ZDHHC17: variants seen among roughly 807,000 people sequenced by gnomAD.
ZDHHC17 encodes palmitoyltransferase ZDHHC17.
In ZDHHC17, 40 loss-of-function variants were observed where a neutral mutation model predicts 90.3. That is an observed-to-expected ratio of 0.44 (90% CI 0.34 to 0.58). The LOEUF (loss-of-function observed/expected upper bound fraction) is 0.58, where lower values mean the gene tolerates loss of function less well. Among genes scored for constraint, ZDHHC17 ranks in the 20% least tolerant of loss-of-function variants. ZDHHC17 has a pLI of 0.01. For missense variants in ZDHHC17, 614 were observed against 780.8 expected, an observed-to-expected ratio of 0.79 and a Z score of 2.55; for synonymous variants, 235 against 252.4, an observed-to-expected ratio of 0.93 and a Z score of 0.65.
chr12:76,810,476 G>A lies in ZDHHC17; in HGVS notation c.543+619G>A, dbSNP rs529860283. ...TTATATTTGAACATTAATTTTATAA[G>A]TAAGGATCTCATCACAAGAATAACT... On this transcript the variant is annotated intron_variant, in intron 5 of 16. Coordinates refer to ENST00000426126, the MANE Select transcript of ZDHHC17 (RefSeq NM_015336.4). 5.8e-3 allele frequency among the ~76,000 whole-genome samples: 882 copies of A among 152,206 alleles called. 10 individuals are homozygous for A. The highest frequency in any genetic ancestry group is 0.021 in the African/African-American group (858 of 41,532).
At chr12:76,823,980 T>C (rs1056721216) in intron 8 of ZDHHC17, among the ~76,000 whole-genome samples, 1 of 152,154 alleles carries the variant, frequency 6.6e-6, no homozygotes, top group Admixed American at 6.5e-5. Flanking sequence ...GGCTGTCTTA[T>C]GATAATTAGG....
At chr12:76,846,750 C>G (rs1374347890) in intron 14 of ZDHHC17, 71 bp downstream of exon 14, 1 of 1,275,632 alleles carries the variant, frequency 7.8e-7, no homozygotes, top group Non-Finnish European at 1.1e-6. Flanking sequence ...ACCACACTAA[C>G]AAATTACTAT....
At chr12:76,848,419 A>G (rs746368925) in intron 15 of ZDHHC17, 29 bp downstream of exon 15, 16 of 1,606,852 alleles carry the variant, frequency 1.0e-5, no homozygotes, top group African/African-American at 1.3e-5. Flanking sequence ...TTTTTAGTGC[A>G]CTAAGTGAAA....
chr12:76,768,556 C>A lies in ZDHHC17; in HGVS notation c.93+4227C>A, dbSNP rs74104831. 8.6e-3 allele frequency among the ~76,000 whole-genome samples: 1,306 copies of A among 152,286 alleles called. 27 individuals carry two copies. Among genetic ancestry groups the A allele is most frequent in the African/African-American group, 0.03 (1,267 of 41,556 alleles). On this transcript the variant is annotated intron_variant, in intron 1 of 16. Coordinates refer to ENST00000426126, the MANE Select transcript of ZDHHC17 (RefSeq NM_015336.4). ...TAGGCACGTGAAACACTGGACGATT[C>A]AAATAAGTACTGAATTAAGTAATGT...
intron 7 of ZDHHC17, among the ~76,000 whole-genome samples, chr12:76,821,741 G>A (rs949630736): frequency 2.6e-5 from 4 of 152,200 alleles, no homozygotes; most frequent in African/African-American, 9.6e-5. Context: ...CTAAAATTGG[G>A]AATGCTTATT....
intron 10 of ZDHHC17, among the ~76,000 whole-genome samples, chr12:76,835,483 CTT>C (rs1321271763): frequency 2.0e-5 from 3 of 151,350 alleles, no homozygotes; most frequent in Non-Finnish European, 4.4e-5. Flanking sequence ...GTTTATATCT[CTT>C]GTTAGATTTA....
At chr12:76,843,044 G>A (rs1397366430) in intron 12 of ZDHHC17, 63 bp downstream of exon 12, 2 of 1,295,572 alleles carry the variant, frequency 1.5e-6, no homozygotes, top group Non-Finnish European at 2.2e-6. Flanking sequence ...ATAGCATAGC[G>A]GGTATGGGGT....
At chr12:76,807,989 A>C (rs1414346461) in intron 3 of ZDHHC17, among the ~76,000 whole-genome samples, 2 of 152,198 alleles carry the variant, frequency 1.3e-5, no homozygotes, top group African/African-American at 4.8e-5. Flanking sequence ...AATATTCTGG[A>C]AATACTTTGT....
In ZDHHC17 at chr12:76,800,949, G is replaced by A. The variant is rs534367837; in HGVS notation, c.197+3412G>A. On this transcript the variant is annotated intron_variant, in intron 2 of 16. Coordinates refer to ENST00000426126, the MANE Select transcript of ZDHHC17 (RefSeq NM_015336.4). Reference sequence around the variant, plus strand: ...ATCGCCTAGGCTGGAGTGCCATGGCGCAATCTCAGCTCATTGCCATCTCCG... The same window carrying A: ...ATCGCCTAGGCTGGAGTGCCATGGCACAATCTCAGCTCATTGCCATCTCCG... 1.8e-3 allele frequency among the ~76,000 whole-genome samples: 256 copies of A among 145,756 alleles called. 3 individuals are homozygous for A. Among genetic ancestry groups the A allele is most frequent in the African/African-American group, 3.9e-3 (151 of 39,214 alleles).
chr12:76,815,001 TAAG>T, intron 5 of ZDHHC17, 142 bp from the exon 6 acceptor site: 1 of 496,186 alleles, frequency 2.0e-6, no homozygotes, highest in Non-Finnish European at 3.6e-6. Flanking sequence ...ATTTTAAAGT[TAAG>T]AAAGAAAGTT....
intron 1 of ZDHHC17, among the ~76,000 whole-genome samples, chr12:76,770,514 A>T (rs1952479495): frequency 6.6e-6 from 1 of 152,230 alleles, no homozygotes; most frequent in South Asian, 2.1e-4. Flanking sequence ...ATACCTCAGG[A>T]TAGATGAGGG....
intron 10 of ZDHHC17, among the ~76,000 whole-genome samples, chr12:76,835,058 CTTTT>C (rs56119519): frequency 1.4e-5 from 2 of 139,530 alleles, no homozygotes; most frequent in Non-Finnish European, 1.5e-5. Context: ...AGCCTTAGGC[CTTTT>C]TTTTTTTTTT....
At chr12:76,779,948 T>TA (rs1952603610) in intron 1 of ZDHHC17, among the ~76,000 whole-genome samples, 1 of 152,154 alleles carries the variant, frequency 6.6e-6, no homozygotes, top group Non-Finnish European at 1.5e-5. Context: ...TACATTGTTG[T>TA]AAAAAATCAG....
intron 7 of ZDHHC17, among the ~76,000 whole-genome samples, chr12:76,819,856 G>A (rs1457463612): frequency 6.6e-6 from 1 of 151,992 alleles, no homozygotes; most frequent in African/African-American, 2.4e-5. Flanking sequence ...AGCCGGGCGT[G>A]GTGGTACATG....
chr12:76,797,941 C>CCACACACACA lies in ZDHHC17; in HGVS notation c.197+432_197+441dup, dbSNP rs60610921. 3.2e-3 allele frequency among the ~76,000 whole-genome samples: 465 copies of CCACACACACA among 147,578 alleles called. 1 individual carries two copies. The highest frequency in any genetic ancestry group is 5.3e-3 in the Admixed American group (78 of 14,796). On this transcript the variant is annotated intron_variant, in intron 2 of 16. Transcript: ENST00000426126. ...CCTAGGCAACAAGAGTGAAACTCTGCCACACACACACACACACACACACAC... is the reference window on the plus strand; with the variant it reads ...CCTAGGCAACAAGAGTGAAACTCTGCCACACACACACACACACACACACACACACACACAC...
Position 76,850,869 on chromosome 12 carries a change from A to G in ZDHHC17, c.1783A>G (p.Ile595Val), listed in dbSNP as rs1308306605. ...TAGCCATGGATGTGTAAGAAATATT[A>G]TAGACTTCTTTGAATTTCGATGCTG... is the stretch of plus-strand genomic sequence containing the variant. ...PFNHGCVRNI[I>V]DFFEFRCCGL... Residue 595 changes from isoleucine (I) to valine (V), a missense_variant, in exon 17 of 17, where the codon ATA becomes GTA. Coordinates refer to ENST00000426126, the MANE Select transcript of ZDHHC17 (RefSeq NM_015336.4). 1 of 1,613,980 alleles carries G rather than the reference A, an allele frequency of 6.2e-7. No individual in the cohort carries two copies. The highest frequency in any genetic ancestry group is 1.1e-5 in the South Asian group (1 of 91,080).
At chr12:76,850,459 C>G (rs1446389725) in intron 16 of ZDHHC17, among the ~76,000 whole-genome samples, 2 of 152,090 alleles carry the variant, frequency 1.3e-5, no homozygotes, top group Admixed American at 6.5e-5. Flanking sequence ...TGGTGCATGT[C>G]TGTAGTCCTA....
chr12:76,789,308 T>C (rs1952731932), intron 1 of ZDHHC17, among the ~76,000 whole-genome samples: 1 of 152,216 alleles, frequency 6.6e-6, no homozygotes, highest in African/African-American at 2.4e-5. Context: ...GGCTCTGTCC[T>C]AAGCACTGGA....
intron 1 of ZDHHC17, among the ~76,000 whole-genome samples, chr12:76,784,360 A>G (rs1020217377): frequency 1.3e-5 from 2 of 152,230 alleles, no homozygotes; most frequent in Non-Finnish European, 2.9e-5. Flanking sequence ...CAAACATCAA[A>G]TTTATGGTGA....
Sources: gnomAD v4.1 joint callset for allele counts (sites outside exome capture counted in the v4.1 genomes callset) on GRCh38, gnomAD v4.1.1 for gene constraint, MANE v1.5 for transcripts, NCBI Gene and HGNC (gene_info 2026-07-23, HGNC 2026-07-21) for gene names.